The following UHRF1 variants were observed in gnomAD, a reference collection of about 807,000 sequenced individuals.
UHRF1 encodes E3 ubiquitin-protein ligase UHRF1.
UHRF1 carries 9 observed loss-of-function variants against 96.5 expected under a neutral mutation model. The ratio of observed to expected loss-of-function variants is 0.09; its 90% CI spans 0.06 to 0.16. The LOEUF (loss-of-function observed/expected upper bound fraction) is 0.16. UHRF1 is among the 10% of genes least tolerant of loss of function. The probability of loss-of-function intolerance (pLI) is 1.00; values close to 1 mark genes in which losing one functional copy is unlikely to be tolerated. For missense variants in UHRF1, 626 were observed against 1,131.1 expected (o/e 0.55, Z 6.40); for synonymous variants, 455 against 469.9 (o/e 0.97, Z 0.41).
intron 7 of UHRF1, among the ~76,000 whole-genome samples, chr19:4,943,399 G>A (rs559104326): frequency 4.6e-5 from 7 of 151,972 alleles, no homozygotes; most frequent in East Asian, 1.9e-4. Flanking sequence ...TGACAATTGC[G>A]GATGTGGATG....
At chr19:4,905,813 G>C (rs189242895), upstream of UHRF1, among the ~76,000 whole-genome samples, 10 of 152,166 alleles carry the variant, frequency 6.6e-5, no homozygotes, top group Non-Finnish European at 1.5e-5. Context: ...CACTGTGCCC[G>C]GCCAGTGTTA....
chr19:4,936,155 C>A (rs1406894212), intron 5 of UHRF1, among the ~76,000 whole-genome samples: 2 of 152,138 alleles, frequency 1.3e-5, no homozygotes, highest in South Asian at 4.1e-4. Context: ...GGCCTTGGGG[C>A]AGACACTGTC....
chr19:4,949,523 C>A (rs1568429166), intron 11 of UHRF1, among the ~76,000 whole-genome samples: 1 of 151,416 alleles, frequency 6.6e-6, no homozygotes, highest in Non-Finnish European at 1.5e-5. Context: ...AAGTCAGTAA[C>A]TAAGTACCTA....
At chr19:4,941,988 AG>A (rs900112521) in intron 7 of UHRF1, 57 bp downstream of exon 7, 2 of 1,416,318 alleles carry the variant, frequency 1.4e-6, no homozygotes, top group African/African-American at 2.9e-5. Context: ...AAATCCCCAG[AG>A]GGGCACTGAG....
rs1209845482 is a variant in UHRF1 at position 4,932,975 on chromosome 19, G to GGCGA, written c.785+22_785+25dup. The GGCGA allele has an allele frequency of 2.5e-6, 4 of 1,584,924 alleles. No individual in the cohort carries two copies. In the East Asian group the frequency reaches 9.2e-5, roughly 37 times the overall value. ...TGCTGGGGTGAGCCTCGCGTCCTGG[G>GGCGA]GCGAGCCCTTCCTCTCTCCTTTCCT... is the stretch of plus-strand genomic sequence containing the variant. On this transcript the variant is annotated intron_variant, in intron 5 of 16. Transcript: ENST00000650932.
At chr19:4,956,946 G>T (rs1198094345) in intron 16 of UHRF1, 133 bp downstream of exon 16, 8 of 698,336 alleles carry the variant, frequency 1.1e-5, no homozygotes, top group Non-Finnish European at 2.0e-5. Flanking sequence ...TTTTCTCGGG[G>T]CCCTGTTGAC....
At chr19:4,956,312 G>C (rs530745469) in intron 15 of UHRF1, among the ~76,000 whole-genome samples, 17 of 152,306 alleles carry the variant, frequency 1.1e-4, no homozygotes, top group Admixed American at 2.6e-4. Flanking sequence ...CGATCCTCTT[G>C]TCTTGGCCTT....
chr19:4,956,826 G>A lies in UHRF1; in HGVS notation c.2235+13G>A, dbSNP rs750301130. 3.2e-6 allele frequency: 5 copies of A among 1,584,808 alleles called. No homozygotes were observed. Among genetic ancestry groups the A allele is most frequent in the Non-Finnish European group, 3.4e-6 (4 of 1,162,360 alleles). On this transcript the variant is annotated intron_variant, in intron 16 of 16. Coordinates refer to ENST00000650932, the MANE Select transcript of UHRF1 (RefSeq NM_001048201.3). ...CAACGTGTGCAAGGTGAGTAGAGATGGCCGCGGGAGCCGGGTGGAAGGTTC... is the reference window on the plus strand; with the variant it reads ...CAACGTGTGCAAGGTGAGTAGAGATAGCCGCGGGAGCCGGGTGGAAGGTTC...
At chr19:4,914,793 C>T (rs1433136423) in intron 2 of UHRF1, among the ~76,000 whole-genome samples, 1 of 152,110 alleles carries the variant, frequency 6.6e-6, no homozygotes, top group African/African-American at 2.4e-5. Flanking sequence ...GCTCCCACAT[C>T]ATCTTATTTT....
At chr19:4,934,280 C>G (rs2602696) in intron 5 of UHRF1, among the ~76,000 whole-genome samples, 1 of 151,884 alleles carries the variant, frequency 6.6e-6, no homozygotes, top group African/African-American at 2.4e-5. Flanking sequence ...GTGATTCGCC[C>G]GCCTCAGCCT....
At chr19:4,934,792 G>A (rs1024140628) in intron 5 of UHRF1, among the ~76,000 whole-genome samples, 2 of 152,132 alleles carry the variant, frequency 1.3e-5, no homozygotes, top group Non-Finnish European at 2.9e-5. Context: ...TCAGTGAGCT[G>A]CGGGTGATGG....
intron 9 of UHRF1, among the ~76,000 whole-genome samples, chr19:4,945,656 G>GTT (rs34603607): frequency 7.1e-5 from 10 of 140,322 alleles, no homozygotes; most frequent in African/African-American, 1.3e-4. Flanking sequence ...ACGCCAGCTG[G>GTT]TTTTTTTTTT....
intron 7 of UHRF1, among the ~76,000 whole-genome samples, chr19:4,942,544 G>T (rs542198619): frequency 1.3e-3 from 202 of 151,932 alleles, no homozygotes; most frequent in African/African-American, 4.7e-3. Context: ...TGCCTCCCGG[G>T]TTCAAGCAAT....
intron 5 of UHRF1, among the ~76,000 whole-genome samples, chr19:4,937,990 C>T (rs2033268379): frequency 1.3e-5 from 2 of 152,088 alleles, no homozygotes; most frequent in Non-Finnish European, 2.9e-5. Flanking sequence ...CCCGTCTCTA[C>T]TAAAAATACA....
intron 5 of UHRF1, among the ~76,000 whole-genome samples, chr19:4,934,830 T>A (rs2033170069): frequency 6.6e-6 from 1 of 152,106 alleles, no homozygotes; most frequent in Non-Finnish European, 1.5e-5. Flanking sequence ...TGTGGGAGCC[T>A]CCTCACTGAG....
chr19:4,923,123 C>T (rs2032754773), intron 2 of UHRF1, among the ~76,000 whole-genome samples: 1 of 152,198 alleles, frequency 6.6e-6, no homozygotes, highest in Non-Finnish European at 1.5e-5. Flanking sequence ...AGCCCTTGCC[C>T]CCCTGCCTAC....
intron 6 of UHRF1, 49 bp from the exon 7 acceptor site, chr19:4,941,696 C>G (rs1162443745): frequency 1.3e-6 from 2 of 1,566,124 alleles, no homozygotes; most frequent in Admixed American, 3.8e-5. Context: ...TGTCCCGTCT[C>G]TGGCTTGGCC....
intron 10 of UHRF1, 57 bp from the exon 11 acceptor site, chr19:4,947,048 C>A: frequency 7.5e-7 from 1 of 1,333,774 alleles, no homozygotes; most frequent in Non-Finnish European, 1.1e-6. Context: ...TCAATGCAGT[C>A]TCTTTTTTTT....
intron 11 of UHRF1, among the ~76,000 whole-genome samples, chr19:4,947,896 A>G (rs1369714882): frequency 2.0e-5 from 3 of 151,988 alleles, no homozygotes; most frequent in Admixed American, 6.6e-5. Context: ...TCAGGAGTTC[A>G]AGACCAGCCT....
Sources: allele counts gnomAD v4.1 joint callset (sites outside exome capture counted in the v4.1 genomes callset), GRCh38; gene constraint gnomAD v4.1.1; transcripts MANE v1.5; gene names NCBI Gene and HGNC (gene_info 2026-07-23, HGNC 2026-07-21).